CD22: variants seen among roughly 807,000 people sequenced by gnomAD.
The protein encoded by CD22 is B-cell receptor CD22.
CD22 carries 51 observed loss-of-function variants against 94.7 expected under a neutral mutation model. That is an observed-to-expected ratio of 0.54 (90% CI 0.43 to 0.68). The LOEUF (loss-of-function observed/expected upper bound fraction) is 0.68, where lower values mean the gene tolerates loss of function less well. CD22 is among the 30% of genes least tolerant of loss of function. The pLI is 0.00. For synonymous variants in CD22, 424 were observed against 422.5 expected (o/e 1.00, Z -0.04); for missense variants, 931 against 1,060.4 (o/e 0.88, Z 1.69).
chr19:35,341,807 A>G lies in CD22; in HGVS notation c.1877A>G (p.His626Arg). Residue 626 changes from histidine to arginine, a missense_variant, in exon 9 of 14, where the codon CAC (histidine) becomes CGC (arginine). Coordinates refer to ENST00000085219, the MANE Select transcript of CD22 (RefSeq NM_001771.4). The surrounding 1 kb of genome is among the most constrained non-coding windows in gnomAD (Gnocchi z 4.0). Reference sequence around the variant, plus strand: ...AGCGACGCCAACCCTCCCGTCTCCCACTACACCTGGTTTGACTGGAATAAC... The same window carrying G: ...AGCGACGCCAACCCTCCCGTCTCCCGCTACACCTGGTTTGACTGGAATAAC... ...CESDANPPVSHYTWFDWNNQS... is the reference protein window; with the variant it reads ...CESDANPPVSRYTWFDWNNQS... 1 of 1,613,884 alleles carries G rather than the reference A, an allele frequency of 6.2e-7. No homozygotes were observed. Among genetic ancestry groups the G allele is most frequent in the Non-Finnish European group, 8.5e-7 (1 of 1,180,006 alleles).
chr19:35,337,803 G>A lies in CD22; in HGVS notation c.767G>A (p.Arg256Lys). Residue 256 changes from arginine to lysine, a missense_variant, in exon 5 of 14, where the codon AGG becomes AAG. Arg to Lys is a conservative substitution (Grantham distance 26). Coordinates refer to ENST00000085219, the MANE Select transcript of CD22 (RefSeq NM_001771.4). The surrounding 1 kb of genome is among the most constrained non-coding windows in gnomAD (Gnocchi z 4.4). ...IKVTPSDAIV[R>K]EGDSVTMTCE... ...GTCACTCCCAGTGATGCCATAGTGA[G>A]GGAGGGGGACTCTGTGACCATGACC... 6.2e-7 allele frequency: 1 copy of A among 1,611,712 alleles called. No individual in the cohort carries two copies. The highest frequency in any genetic ancestry group is 8.5e-7 in the Non-Finnish European group (1 of 1,178,054).
chr19:35,332,965 G>T, intron 3 of CD22, 41 bp downstream of exon 3: 1 of 1,583,820 alleles, frequency 6.3e-7, no homozygotes, highest in East Asian at 2.3e-5. Flanking sequence ...CTGGGCAGGG[G>T]TGAGTGGGAG....
Position 35,341,877 on chromosome 19 carries a change from G to T in CD22, c.1947G>T (p.Val649=). 6.2e-7 allele frequency: 1 copy of T among 1,614,122 alleles called. No individual in the cohort carries two copies. Among genetic ancestry groups the T allele is most frequent in the Non-Finnish European group, 8.5e-7 (1 of 1,180,034 alleles). Residue 649 remains valine (V), a synonymous_variant, in exon 9 of 14, where the codon GTG becomes GTT. Transcript: ENST00000085219. This position sits in a 1 kb window ranked among gnomAD's most constrained non-coding sequence, Gnocchi z 4.0. ...GCCAGAAGCTGAGATTGGAGCCGGT[G>T]AAGGTCCAGCACTCGGGTGCCTACT... ...YHSQKLRLEP[V]KVQHSGAYWC...
At position 35,337,915 on chromosome 19, in the gene CD22, G is replaced by A. The variant is rs781077986; in HGVS notation, c.879G>A (p.Thr293=). Residue 293 remains threonine, a synonymous_variant, in exon 5 of 14, where the codon ACG becomes ACA. Transcript: ENST00000085219. The surrounding 1 kb of genome is among the most constrained non-coding windows in gnomAD (Gnocchi z 4.4). ...GTSLKKQNTF[T]LNLREVTKDQ... ...CGCTGAAGAAGCAGAATACATTCAC[G>A]CTAAACCTGCGCGAAGTGACCAAGG... 3.1e-6 allele frequency: 5 copies of A among 1,614,082 alleles called. No individual in the cohort carries two copies. The South Asian group carries it at 4.4e-5, about 14-fold the overall frequency.
chr19:35,334,544 G>A (rs1009739204), intron 3 of CD22, among the ~76,000 whole-genome samples: 11 of 152,280 alleles, frequency 7.2e-5, no homozygotes, highest in East Asian at 1.9e-4. Context: ...GTTCCACACC[G>A]TTTCCCGGAT....
At chr19:35,346,368 CG>C (rs1456623799) in intron 13 of CD22, 133 bp downstream of exon 13, 10 of 1,068,030 alleles carry the variant, frequency 9.4e-6, no homozygotes, top group Admixed American at 2.0e-5. Flanking sequence ...GTGTTGGAGA[CG>C]GTTGCTCCGG....
chr19:35,345,794 C>G (rs2066897922), intron 12 of CD22, 74 bp downstream of exon 12: 5 of 1,049,280 alleles, frequency 4.8e-6, no homozygotes, highest in Non-Finnish European at 7.4e-6. Context: ...CCCGCCTGCC[C>G]TCTTTGTGCC....
intron 2 of CD22, 123 bp downstream of exon 2, chr19:35,332,197 A>G (rs968248779): frequency 1.3e-5 from 13 of 979,446 alleles, no homozygotes; most frequent in South Asian, 1.1e-4. Flanking sequence ...GTGTGTATAG[A>G]TAAATGTACA....
Position 35,341,937 on chromosome 19 carries a change from TTCGCCTCTCA to T in CD22, c.2008_2017del (p.Ser670AlafsTer60). 6.2e-7 allele frequency: 1 copy of T among 1,613,564 alleles called. No individual in the cohort carries two copies. Among genetic ancestry groups the T allele is most frequent in the Non-Finnish European group, 8.5e-7 (1 of 1,179,836 alleles). ...GGACCAACAGTGTGGGCAAGGGCCG[TTCGCCTCTCA>T]GCACCCTCACCGTCTACTGTAAGGC... is the stretch of plus-strand genomic sequence containing the variant. On this transcript the variant is annotated frameshift_variant, in exon 9 of 14. Transcript: ENST00000085219. LOFTEE classifies it high-confidence loss of function. This position sits in a 1 kb window ranked among gnomAD's most constrained non-coding sequence, Gnocchi z 4.0.
At position 35,340,889 on chromosome 19, in the gene CD22, A is replaced by G; in HGVS notation, c.1258A>G (p.Lys420Glu). 1 of 1,614,126 alleles carries G rather than the reference A, an allele frequency of 6.2e-7. No individual in the cohort carries two copies. The highest frequency in any genetic ancestry group is 8.5e-7 in the Non-Finnish European group (1 of 1,180,002). Residue 420 changes from lysine (K) to glutamate (E), a missense_variant, in exon 7 of 14, where the codon AAG (lysine) becomes GAG (glutamate). Transcript: ENST00000085219. ...GAELDVQYPPKKVTTVIQNPM... is the reference protein window; with the variant it reads ...GAELDVQYPPEKVTTVIQNPM... ...CTCTGGTTTTCTTCCAGATCCTCCC[A>G]AGAAGGTGACCACAGTGATTCAAAA...
Position 35,336,359 on chromosome 19 carries a change from G to A in CD22, c.718+18G>A. On this transcript the variant is annotated intron_variant, in intron 4 of 13. Coordinates refer to ENST00000085219, the MANE Select transcript of CD22 (RefSeq NM_001771.4). ...CGTGAAGCGTGAGTCTCCCCGGCAT[G>A]CCTGTGGGAAGGGCAAGGTCTGTGT... The A allele has an allele frequency of 1.2e-6, 2 of 1,610,202 alleles. No homozygotes were observed. The highest frequency in any genetic ancestry group is 1.7e-4 in the Middle Eastern group (1 of 6,016).
At chr19:35,329,889 T>C (rs930103408) in intron 1 of CD22, 2 of 153,404 alleles carry the variant, frequency 1.3e-5, no homozygotes, top group African/African-American at 4.8e-5. Context: ...GCAACCCTGC[T>C]AAGTTTTTTA....
chr19:35,342,111 CTTCT>C (rs916629128), intron 9 of CD22, 146 bp downstream of exon 9: 2 of 633,662 alleles, frequency 3.2e-6, no homozygotes, highest in African/African-American at 4.1e-5. Context: ...CCTCTTCCTC[CTTCT>C]TCTTCTTCTT....
rs1039717392 is a variant in CD22 at position 35,338,232 on chromosome 19, G to A, written c.1050G>A (p.Glu350=). The part of the protein sequence containing the change: ...HSPAVEGSQV[E]FLCMSLANPL... ...CGGCTGTGGAGGGAAGTCAAGTCGA[G>A]TTTCTTTGCATGTCACTGGCCAATC... The change falls in exon 6 of 14, where the codon GAG becomes GAA. Residue 350 remains glutamate, a synonymous_variant. Coordinates refer to ENST00000085219, the MANE Select transcript of CD22 (RefSeq NM_001771.4). The A allele has an allele frequency of 2.5e-6, 4 of 1,614,112 alleles. No individual in the cohort carries two copies. In the South Asian group the frequency reaches 3.3e-5, roughly 13 times the overall value.
chr19:35,346,809 C>G lies in CD22; in HGVS notation c.*112C>G. Reference sequence around the variant, plus strand: ...TCCTGCGCGCATGTGCGCACACACACACACACACGCACACACACACACACA... The same window carrying G: ...TCCTGCGCGCATGTGCGCACACACAGACACACACGCACACACACACACACA... On this transcript the variant is annotated 3_prime_UTR_variant, in exon 14 of 14. Transcript: ENST00000085219. The G allele has an allele frequency of 1.2e-6, 1 of 864,764 alleles. No homozygotes were observed. The highest frequency in any genetic ancestry group is 1.8e-6 in the Non-Finnish European group (1 of 570,950). The allele number at this position is 864,764 out of a possible 1,614,324, so 53.6% of individuals were successfully genotyped here.
intron 6 of CD22, among the ~76,000 whole-genome samples, chr19:35,340,561 T>C (rs984817141): frequency 2.6e-5 from 4 of 152,124 alleles, no homozygotes; most frequent in Non-Finnish European, 5.9e-5. Flanking sequence ...ATTACAAGCG[T>C]GAGCCACCAT....
intron 4 of CD22, among the ~76,000 whole-genome samples, chr19:35,336,978 G>A (rs1206777505): frequency 1.3e-5 from 2 of 152,168 alleles, no homozygotes; most frequent in East Asian, 3.9e-4. Context: ...GGTGGCTCAC[G>A]CCTGTAATCC....
At chr19:35,333,258 C>T (rs2066671311) in intron 3 of CD22, among the ~76,000 whole-genome samples, 1 of 152,200 alleles carries the variant, frequency 6.6e-6, no homozygotes, top group Admixed American at 6.5e-5. Context: ...GCACCGCATT[C>T]CTTTAGTGGG....
chr19:35,342,567 C>T (rs1413652129), intron 9 of CD22, among the ~76,000 whole-genome samples: 1 of 152,116 alleles, frequency 6.6e-6, no homozygotes, highest in East Asian at 1.9e-4. Flanking sequence ...CTCACTGTCC[C>T]CTTTCCCATT....
Sources: allele counts gnomAD v4.1 joint callset (sites outside exome capture counted in the v4.1 genomes callset), GRCh38; gene constraint gnomAD v4.1.1; non-coding constraint Gnocchi (gnomAD v3.1); transcripts MANE v1.5; gene names NCBI Gene and HGNC (gene_info 2026-07-23, HGNC 2026-07-21).